The following SMPDL3B variants were observed in gnomAD, a reference collection of about 807,000 sequenced individuals.
SMPDL3B encodes sphingomyelin phosphodiesterase acid like 3B, also known as acid sphingomyelinase-like phosphodiesterase 3b.
Under a neutral mutation model 37.9 loss-of-function variants are expected in SMPDL3B, and 31 were observed. That is an observed-to-expected ratio of 0.82 (90% confidence interval 0.61 to 1.10). The LOEUF is 1.10. Among genes scored for constraint, SMPDL3B ranks in the 50% least tolerant of loss-of-function variants. The pLI is 0.00. For synonymous variants in SMPDL3B, 235 were observed against 242.6 expected (o/e 0.97, Z 0.29); for missense variants, 525 against 597.8 (o/e 0.88, Z 1.27).
chr1:27,952,834 C>T (rs1360566086), intron 3 of SMPDL3B, among the ~76,000 whole-genome samples: 2 of 152,178 alleles, frequency 1.3e-5, no homozygotes, highest in African/African-American at 2.4e-5. Context: ...CCCAGAGTGA[C>T]GCAGACCCTT....
At chr1:27,944,724 CT>C (rs981033989) in intron 1 of SMPDL3B, among the ~76,000 whole-genome samples, 4 of 149,564 alleles carry the variant, frequency 2.7e-5, no homozygotes, top group Admixed American at 1.3e-4. Context: ...CCAGGTCAGA[CT>C]TTTTTCTTTT....
chr1:27,945,120 C>A lies in SMPDL3B; in HGVS notation c.62-112C>A. The A allele has an allele frequency of 1.0e-6, 1 of 965,774 alleles. No homozygotes were observed. The allele number at this position is 965,774 out of a possible 1,614,324, so 59.8% of individuals were successfully genotyped here. A position where few individuals can be genotyped will look rare whatever the true frequency, so the allele number is the denominator to read the frequency against. On this transcript the variant is annotated intron_variant, in intron 1 of 7. Transcript: ENST00000373894. This position sits in a 1 kb window ranked among gnomAD's most constrained non-coding sequence, Gnocchi z 4.0. ...CTGAACCCGGGGTGCTCAGAGAAGA[C>A]TTCCATTTGCCTGTGTAACGCCCCT...
rs1638385320 is a variant in SMPDL3B at position 27,958,820 on chromosome 1, G to C, written c.1350G>C (p.Leu450=). Residue 450 remains leucine, a synonymous_variant, in exon 8 of 8, where the codon CTG becomes CTC. Coordinates refer to ENST00000373894, the MANE Select transcript of SMPDL3B (RefSeq NM_014474.4). This position sits in a 1 kb window ranked among gnomAD's most constrained non-coding sequence, Gnocchi z 5.6. The part of the protein sequence containing the change: ...LPLLLMALLG[L]CTLVL ...TGCTGCTGATGGCCCTGCTGGGCCT[G>C]TGCACGCTCGTGCTGTGACCTGCCA... 1 of 1,593,264 alleles carries C rather than the reference G, an allele frequency of 6.3e-7. No homozygotes were observed. The highest frequency in any genetic ancestry group is 1.7e-5 in the Admixed American group (1 of 58,898).
At position 27,952,917 on chromosome 1, in the gene SMPDL3B, G is replaced by A. The variant is rs538670607; in HGVS notation, c.374-298G>A. On this transcript the variant is annotated intron_variant, in intron 3 of 7. Transcript: ENST00000373894. ...AATTACCAAGTGGCTGATGACGATC[G>A]GACTCATTTAGACCTAGTTTTCCCC... 9.5e-4 allele frequency among the ~76,000 whole-genome samples: 145 copies of A among 152,302 alleles called. 1 individual carries two copies. Among genetic ancestry groups the A allele is most frequent in the African/African-American group, 1.8e-3 (76 of 41,556 alleles).
At chr1:27,953,728 G>A (rs544609048) in intron 4 of SMPDL3B, among the ~76,000 whole-genome samples, 23 of 152,258 alleles carry the variant, frequency 1.5e-4, no homozygotes, top group African/African-American at 4.8e-4. Flanking sequence ...TAACTCTGTC[G>A]CAGACAACTG....
rs1021301269 is a variant in SMPDL3B at position 27,945,272 on chromosome 1, C to A, written c.102C>A (p.Asp34Glu). Reference protein sequence around the residue: ...WHIADLHLDPDYKVSKDPFQV... With the variant: ...WHIADLHLDPEYKVSKDPFQV... ...TCGCTGACCTGCACCTTGACCCTGA[C>A]TACAAGGTATCCAAAGACCCCTTCC... The change falls in exon 2 of 8, where the codon GAC (aspartate) becomes GAA (glutamate). Residue 34 changes from aspartate (D) to glutamate (E), a missense_variant. By Grantham distance (45) the Asp-to-Glu change is conservative. Coordinates refer to ENST00000373894, the MANE Select transcript of SMPDL3B (RefSeq NM_014474.4). This position sits in a 1 kb window ranked among gnomAD's most constrained non-coding sequence, Gnocchi z 4.0. The A allele has an allele frequency of 2.4e-5, 38 of 1,614,198 alleles. No homozygotes were observed. The highest frequency in any genetic ancestry group is 3.2e-5 in the Non-Finnish European group (38 of 1,180,040).
intron 1 of SMPDL3B, among the ~76,000 whole-genome samples, chr1:27,938,657 GATGGGGCGA>G (rs1183483552): frequency 2.6e-5 from 4 of 152,234 alleles, no homozygotes; most frequent in Non-Finnish European, 5.9e-5. Context: ...TAAGCTGTAT[GATGGGGCGA>G]AAGCCTTAGG....
chr1:27,956,377 C>A, intron 7 of SMPDL3B: 1 of 1,300,548 alleles, frequency 7.7e-7, no homozygotes, highest in Non-Finnish European at 1.0e-6. Context: ...AGAGAAGAAA[C>A]TAATCTCCTA....
Position 27,935,095 on chromosome 1 carries a change from G to A in SMPDL3B, c.-89G>A. On this transcript the variant is annotated 5_prime_UTR_variant, in exon 1 of 8. It adds an upstream start codon to the 5' untranslated region. Transcript: ENST00000373894. ...AGGACAAGGAGTTCTGCTCAGGCACGTGGCCACAGAAAACTACTTAGGAAG... is the reference window on the plus strand; with the variant it reads ...AGGACAAGGAGTTCTGCTCAGGCACATGGCCACAGAAAACTACTTAGGAAG... 2 of 984,890 alleles carry A rather than the reference G, an allele frequency of 2.0e-6. No individual in the cohort carries two copies. Among genetic ancestry groups the A allele is most frequent in the East Asian group, 2.5e-5 (1 of 39,976 alleles). The allele number at this position is 984,890 out of a possible 1,614,324, so 61.0% of individuals were successfully genotyped here.
In SMPDL3B at chr1:27,958,859, C is replaced by T. The variant is rs1638387398; in HGVS notation, c.*21C>T. On this transcript the variant is annotated 3_prime_UTR_variant, in exon 8 of 8. Coordinates refer to ENST00000373894, the MANE Select transcript of SMPDL3B (RefSeq NM_014474.4). The surrounding 1 kb of genome is among the most constrained non-coding windows in gnomAD (Gnocchi z 5.6). The stretch of plus-strand genomic sequence containing the variant: ...TGTGACCTGCCAGGCTCACCTTCTT[C>T]CTGGTAACGGGTAACGGGGGCAGCG... 6.4e-7 allele frequency: 1 copy of T among 1,551,966 alleles called. No homozygotes were observed. The highest frequency in any genetic ancestry group is 8.7e-7 in the Non-Finnish European group (1 of 1,145,270).
chr1:27,942,683 G>T (rs1371682529), intron 1 of SMPDL3B, among the ~76,000 whole-genome samples: 4 of 146,320 alleles, frequency 2.7e-5, no homozygotes, highest in South Asian at 2.2e-4. Context: ...GTTTTTTTTT[G>T]AGATGGAGTC....
At chr1:27,957,301 A>G (rs557788495) in intron 7 of SMPDL3B, among the ~76,000 whole-genome samples, 1 of 152,252 alleles carries the variant, frequency 6.6e-6, no homozygotes, top group Non-Finnish European at 1.5e-5. Flanking sequence ...TGAATTCTGG[A>G]TGCAGGATTT....
intron 1 of SMPDL3B, among the ~76,000 whole-genome samples, chr1:27,942,694 T>C (rs2090370775): frequency 6.7e-6 from 1 of 149,766 alleles, no homozygotes; most frequent in Non-Finnish European, 1.5e-5. Context: ...AGATGGAGTC[T>C]CGCTCTGTCG....
intron 1 of SMPDL3B, among the ~76,000 whole-genome samples, chr1:27,942,745 C>A (rs1242188347): frequency 6.6e-6 from 1 of 151,866 alleles, no homozygotes; most frequent in Non-Finnish European, 1.5e-5. Flanking sequence ...CTCACTGCAA[C>A]CTCCGCCTCC....
chr1:27,954,804 G>T (rs967260389), intron 5 of SMPDL3B, among the ~76,000 whole-genome samples: 2 of 152,164 alleles, frequency 1.3e-5, no homozygotes, highest in Non-Finnish European at 2.9e-5. Context: ...CAGACTCCAA[G>T]TCCAGTGCTC....
At position 27,953,266 on chromosome 1, in the gene SMPDL3B, AG is replaced by A. The variant is rs752617788; in HGVS notation, c.426del (p.Gln142HisfsTer13). ...LGNHDFHPKN[Q>X]FPAGSNNIYN... ...AATCATGATTTTCACCCCAAAAACC[AG>A]TTCCCAGCTGGAAGTAACAACATCT... On this transcript the variant is annotated frameshift_variant, in exon 4 of 8. Transcript: ENST00000373894. LOFTEE classifies it high-confidence loss of function. The A allele has an allele frequency of 6.2e-6, 10 of 1,613,744 alleles. No individual in the cohort carries two copies.
In SMPDL3B at chr1:27,955,963, G is replaced by T. The variant is rs753870251; in HGVS notation, c.886G>T (p.Ala296Ser). The change falls in exon 7 of 8, where the codon GCC (alanine) becomes TCC (serine). Residue 296 changes from alanine to serine, a missense_variant. Ala to Ser is a moderately conservative substitution (Grantham distance 99, BLOSUM62 1). Transcript: ENST00000373894. The part of the protein sequence containing the change: ...LYDDAGVPIS[A>S]MFITPGVTPW... ...TCTCCTGACAGGTGTCCCCATAAGCGCCATGTTCATCACACCTGGAGTCAC... is the reference window on the plus strand; with the variant it reads ...TCTCCTGACAGGTGTCCCCATAAGCTCCATGTTCATCACACCTGGAGTCAC... 4 of 1,613,782 alleles carry T rather than the reference G, an allele frequency of 2.5e-6. No homozygotes were observed. The African/African-American group carries it at 4.0e-5, about 16-fold the overall frequency.
rs1294974738 is a variant in SMPDL3B at position 27,958,823 on chromosome 1, C to T, written c.1353C>T (p.Cys451=). 6.3e-7 allele frequency: 1 copy of T among 1,593,136 alleles called. No homozygotes were observed. The highest frequency in any genetic ancestry group is 8.6e-7 in the Non-Finnish European group (1 of 1,166,482). The change falls in exon 8 of 8, where the codon TGC becomes TGT. Residue 451 remains cysteine, a synonymous_variant. Transcript: ENST00000373894. This position sits in a 1 kb window ranked among gnomAD's most constrained non-coding sequence, Gnocchi z 5.6. ...PLLLMALLGL[C]TLVL ...TGCTGATGGCCCTGCTGGGCCTGTG[C>T]ACGCTCGTGCTGTGACCTGCCAGGC... is the stretch of plus-strand genomic sequence containing the variant.
Position 27,958,752 on chromosome 1 carries a change from T to C in SMPDL3B, c.1282T>C (p.Cys428Arg). 1 of 1,613,570 alleles carries C rather than the reference T, an allele frequency of 6.2e-7. No individual in the cohort carries two copies. The change falls in exon 8 of 8, where the codon TGT (cysteine) becomes CGT (arginine). Residue 428 changes from cysteine to arginine, a missense_variant. Coordinates refer to ENST00000373894, the MANE Select transcript of SMPDL3B (RefSeq NM_014474.4). This position sits in a 1 kb window ranked among gnomAD's most constrained non-coding sequence, Gnocchi z 5.6. Reference sequence around the variant, plus strand: ...GGTGGACATTGACGCTTACACCACCTGTCTGTATGCCTCTGGCACCACGCC... The same window carrying C: ...GGTGGACATTGACGCTTACACCACCCGTCTGTATGCCTCTGGCACCACGCC... ...RQVDIDAYTT[C>R]LYASGTTPVP...
Sources: allele counts gnomAD v4.1 joint callset (sites outside exome capture counted in the v4.1 genomes callset), GRCh38; gene constraint gnomAD v4.1.1; non-coding constraint Gnocchi (gnomAD v3.1); transcripts MANE v1.5; gene names NCBI Gene and HGNC (gene_info 2026-07-23, HGNC 2026-07-21).